The following ATP2C2 variants were observed in gnomAD, a reference collection of about 807,000 sequenced individuals.
The protein encoded by ATP2C2 is calcium-transporting ATPase type 2C member 2.
In ATP2C2, 171 loss-of-function variants were observed where a neutral mutation model predicts 110.8. The observed-to-expected ratio is 1.54, with a 90% CI of 1.36 to 1.75. The LOEUF (loss-of-function observed/expected upper bound fraction) is 1.75. Ranked by LOEUF, ATP2C2 falls within the 40% of genes most tolerant of loss-of-function variation. The pLI is 0.00. For synonymous variants in ATP2C2, 804 were observed against 508.4 expected (o/e 1.58, Z -7.82); for missense variants, 1,963 against 1,235.0 (o/e 1.59, Z -8.84).
intron 1 of ATP2C2, among the ~76,000 whole-genome samples, chr16:84,393,573 T>G (rs17740768): frequency 0.074 from 11,203 of 152,160 alleles, 538 homozygotes; most frequent in Non-Finnish European, 0.11. Context: ...ACACTCCTTC[T>G]AAAAGCTCGA....
chr16:84,442,666 C>G lies in ATP2C2; in HGVS notation c.1401+67C>G, dbSNP rs563909173. On this transcript the variant is annotated intron_variant, in intron 15 of 26. Coordinates refer to ENST00000262429, the MANE Select transcript of ATP2C2 (RefSeq NM_014861.4). ...CGGGGCTGGATTCATTGGTAGAAAG[C>G]CAGCTCCTGTCTGAGCTAACAGGAG... The G allele has an allele frequency of 8.1e-6, 12 of 1,478,284 alleles. No individual in the cohort carries two copies. The East Asian group carries it at 2.5e-4, about 31-fold the overall frequency. 91.6% of individuals were successfully genotyped at this position (1,478,284 alleles called of 1,614,324 possible).
chr16:84,421,962 G>C (rs544204167), intron 7 of ATP2C2, among the ~76,000 whole-genome samples: 1 of 152,178 alleles, frequency 6.6e-6, no homozygotes, highest in South Asian at 2.1e-4. Flanking sequence ...TGTGTTTCTG[G>C]TGTTACTGTT....
intron 6 of ATP2C2, among the ~76,000 whole-genome samples, chr16:84,413,093 T>A (rs902627366): frequency 8.4e-6 from 1 of 119,666 alleles, no homozygotes. Context: ...AGCGAAACTC[T>A]GTCTCAAAAA....
intron 1 of ATP2C2, among the ~76,000 whole-genome samples, chr16:84,396,318 G>A (rs1468349986): frequency 6.6e-6 from 1 of 152,014 alleles, no homozygotes; most frequent in African/African-American, 2.4e-5. Context: ...GGCTGAGGCA[G>A]GCAGATCACC....
intron 1 of ATP2C2, among the ~76,000 whole-genome samples, 170 bp from the exon 2 acceptor site, chr16:84,398,329 C>T (rs1270846351): frequency 6.6e-6 from 1 of 151,948 alleles, no homozygotes; most frequent in Non-Finnish European, 1.5e-5. Flanking sequence ...TCTCTTGAAC[C>T]CGGTAAGTGG....
intron 2 of ATP2C2, among the ~76,000 whole-genome samples, chr16:84,402,151 T>C (rs978326889): frequency 5.9e-5 from 9 of 152,194 alleles, no homozygotes; most frequent in African/African-American, 2.2e-4. Flanking sequence ...GCAATGCTAC[T>C]GATCTTTATC....
chr16:84,423,040 T>A, intron 9 of ATP2C2, 148 bp from the exon 10 acceptor site: 1 of 678,556 alleles, frequency 1.5e-6, no homozygotes, highest in South Asian at 1.9e-5. Context: ...GCACAGGTCT[T>A]CAGTGCAAAA....
intron 10 of ATP2C2, among the ~76,000 whole-genome samples, chr16:84,424,020 C>G (rs763062836): frequency 6.6e-6 from 1 of 152,168 alleles, no homozygotes; most frequent in Non-Finnish European, 1.5e-5. Flanking sequence ...TTTATTCCAG[C>G]CTTTAGGATC....
intron 1 of ATP2C2, among the ~76,000 whole-genome samples, chr16:84,387,986 C>T (rs2151405583): frequency 6.6e-6 from 1 of 151,454 alleles, no homozygotes; most frequent in South Asian, 2.1e-4. Flanking sequence ...CCTCACTCAT[C>T]TGCTGGTCTC....
At chr16:84,428,085 A>C (rs1453569010) in intron 11 of ATP2C2, among the ~76,000 whole-genome samples, 3 of 152,246 alleles carry the variant, frequency 2.0e-5, no homozygotes, top group Non-Finnish European at 4.4e-5. Flanking sequence ...TGATCATTAC[A>C]GTGAATTACA....
chr16:84,377,038 G>T (rs555580921), intron 1 of ATP2C2, among the ~76,000 whole-genome samples: 1 of 152,218 alleles, frequency 6.6e-6, no homozygotes, highest in Non-Finnish European at 1.5e-5. Flanking sequence ...GGTCTCTAAG[G>T]CATCTCACAT....
At chr16:84,422,300 C>T in intron 7 of ATP2C2, 90 bp from the exon 8 acceptor site, 1 of 1,441,540 alleles carries the variant, frequency 6.9e-7, no homozygotes, top group Non-Finnish European at 9.5e-7. Context: ...GAGTTCATGT[C>T]CATGAAGGTG....
At chr16:84,397,947 G>A (rs1398402162) in intron 1 of ATP2C2, among the ~76,000 whole-genome samples, 1 of 151,766 alleles carries the variant, frequency 6.6e-6, no homozygotes, top group East Asian at 1.9e-4. Flanking sequence ...TAATCTATGA[G>A]GATTGAAACC....
intron 26 of ATP2C2, chr16:84,462,366 G>A: frequency 2.1e-6 from 1 of 473,596 alleles, no homozygotes; most frequent in Non-Finnish European, 3.7e-6. Flanking sequence ...AGTAGGGTCT[G>A]GGGCCCAAGG....
intron 1 of ATP2C2, among the ~76,000 whole-genome samples, chr16:84,377,928 C>G (rs566894022): frequency 6.6e-6 from 1 of 152,328 alleles, no homozygotes; most frequent in Non-Finnish European, 1.5e-5. Context: ...TGGTGCCCCA[C>G]TAGCTGGGCC....
At chr16:84,428,959 C>T (rs1458328788) in intron 11 of ATP2C2, among the ~76,000 whole-genome samples, 1 of 152,060 alleles carries the variant, frequency 6.6e-6, no homozygotes, top group Non-Finnish European at 1.5e-5. Flanking sequence ...GGTTGCAGCC[C>T]TTTTTCCCTG....
chr16:84,422,731 A>T (rs1290927348), intron 9 of ATP2C2, 34 bp downstream of exon 9: 1 of 1,576,984 alleles, frequency 6.3e-7, no homozygotes, highest in South Asian at 1.2e-5. Context: ...GGACTTTTGT[A>T]AGCTGGAGTT....
In ATP2C2 at chr16:84,368,996, C is replaced by T. The variant is rs922547293; in HGVS notation, c.99+282C>T. Among the ~76,000 whole-genome samples the T allele has an allele frequency of 1.6e-4, 24 of 152,328 alleles. 1 individual carries two copies. Among genetic ancestry groups the T allele is most frequent in the African/African-American group, 5.8e-4 (24 of 41,576 alleles). The stretch of plus-strand genomic sequence containing the variant: ...TAAGGGGCACGGAGCTAGGAAGTGA[C>T]CTGGCTGGGAACTTAACCTAGGTTT... On this transcript the variant is annotated intron_variant, in intron 1 of 26. Transcript: ENST00000262429.
At chr16:84,394,059 G>A (rs893937114) in intron 1 of ATP2C2, among the ~76,000 whole-genome samples, 1 of 151,218 alleles carries the variant, frequency 6.6e-6, no homozygotes, top group Non-Finnish European at 1.5e-5. Flanking sequence ...CACACCTGTA[G>A]TCCTAGCTTC....
Sources: gnomAD v4.1 joint callset for allele counts (sites outside exome capture counted in the v4.1 genomes callset) on GRCh38, gnomAD v4.1.1 for gene constraint, MANE v1.5 for transcripts, NCBI Gene and HGNC (gene_info 2026-07-23, HGNC 2026-07-21) for gene names.